The following SMAP1 variants were observed in gnomAD, a reference collection of about 807,000 sequenced individuals.
SMAP1 encodes the protein stromal membrane-associated protein 1.
SMAP1 carries 24 observed loss-of-function variants against 58.5 expected under a neutral mutation model. The ratio of observed to expected loss-of-function variants is 0.41; its 90% CI spans 0.30 to 0.58. The LOEUF (loss-of-function observed/expected upper bound fraction) is 0.58. Among genes scored for constraint, SMAP1 ranks in the 20% least tolerant of loss-of-function variants. The pLI is 0.29. For missense variants in SMAP1, 563 were observed against 566.3 expected, an observed-to-expected ratio of 0.99 and a Z score of 0.06; for synonymous variants, 216 against 196.6, an observed-to-expected ratio of 1.10 and a Z score of -0.82.
At chr6:70,773,565 A>G (rs1427274828) in intron 4 of SMAP1, 140 bp downstream of exon 4, 3 of 528,174 alleles carry the variant, frequency 5.7e-6, no homozygotes, top group Non-Finnish European at 9.7e-6. Flanking sequence ...TTTTTTGGTT[A>G]TATAATGTTG....
chr6:70,834,314 C>T lies in SMAP1; in HGVS notation c.577-2627C>T, dbSNP rs148856341. Among the ~76,000 whole-genome samples the T allele has an allele frequency of 8.0e-3, 1,197 of 149,102 alleles. 16 individuals carry two copies. The highest frequency in any genetic ancestry group is 0.026 in the African/African-American group (1,047 of 40,460). The stretch of plus-strand genomic sequence containing the variant: ...AGAAAATAAATAGGAAGGAATTCCT[C>T]ACAAGTTTAGTTTGTTTTATGCTTT... On this transcript the variant is annotated intron_variant, in intron 6 of 10. Transcript: ENST00000370455.
chr6:70,842,501 CAAG>C, intron 7 of SMAP1, among the ~76,000 whole-genome samples: 1 of 152,170 alleles, frequency 6.6e-6, no homozygotes, highest in South Asian at 2.1e-4. Flanking sequence ...TAGAAGAGAG[CAAG>C]AAGGGACAGC....
intron 5 of SMAP1, among the ~76,000 whole-genome samples, chr6:70,793,182 G>C (rs1286671536): frequency 2.6e-5 from 4 of 151,924 alleles, no homozygotes; most frequent in African/African-American, 7.3e-5. Context: ...CTACAGGTGC[G>C]CACCACCATG....
intron 6 of SMAP1, among the ~76,000 whole-genome samples, chr6:70,825,020 A>G (rs1315864312): frequency 3.3e-5 from 5 of 152,180 alleles, no homozygotes; most frequent in African/African-American, 4.8e-5. Flanking sequence ...TCATAGAGCT[A>G]ATATACTTAT....
At chr6:70,860,151 T>G in intron 10 of SMAP1, 49 bp from the exon 11 acceptor site, 1 of 1,527,714 alleles carries the variant, frequency 6.5e-7, no homozygotes, top group Non-Finnish European at 8.8e-7. Flanking sequence ...GAAACAAGAA[T>G]TAAAAGTGAA....
intron 4 of SMAP1, among the ~76,000 whole-genome samples, chr6:70,778,150 A>G (rs970309226): frequency 1.3e-5 from 2 of 152,194 alleles, no homozygotes; most frequent in Non-Finnish European, 2.9e-5. Flanking sequence ...CAGGCATGGA[A>G]TGTGTAAAAA....
At position 70,732,433 on chromosome 6, in the gene SMAP1, A is replaced by T. The variant is rs1217329637; in HGVS notation, c.174A>T (p.Gly58=). The T allele has an allele frequency of 1.2e-6, 2 of 1,612,952 alleles. No individual in the cohort carries two copies. The highest frequency in any genetic ancestry group is 1.7e-6 in the Non-Finnish European group (2 of 1,179,278). The change falls in exon 2 of 11, where the codon GGA becomes GGT. Residue 58 remains glycine, a synonymous_variant. Transcript: ENST00000370455. ...IGVFICIRCA[G]IHRNLGVHIS... is the part of the protein sequence containing the mutation. ...TGTTTATTTGCATCAGATGTGCTGG[A>T]ATTCATAGAAATCTTGGGGTTCATA...
intron 6 of SMAP1, among the ~76,000 whole-genome samples, chr6:70,807,850 C>T (rs1029209129): frequency 1.1e-4 from 16 of 152,044 alleles, no homozygotes; most frequent in African/African-American, 3.9e-4. Flanking sequence ...TGAAAATCCT[C>T]ATATAACTTT....
intron 1 of SMAP1, among the ~76,000 whole-genome samples, chr6:70,673,443 T>G (rs1766349394): frequency 6.6e-6 from 1 of 152,222 alleles, no homozygotes; most frequent in Non-Finnish European, 1.5e-5. Flanking sequence ...CAAGGGAGTC[T>G]TTTAGCTTTC....
In SMAP1 at chr6:70,817,330, A is replaced by G. The variant is rs538639386; in HGVS notation, c.576+18593A>G. On this transcript the variant is annotated intron_variant, in intron 6 of 10. Transcript: ENST00000370455. ...TAGAAGGAAAAGCAATCCTTTTTTC[A>G]TAGTTGATTTAAAAACATCTAAGGA... Among the ~76,000 whole-genome samples, 37 of 152,104 alleles carry G rather than the reference A, an allele frequency of 2.4e-4. No individual in the cohort carries two copies. The South Asian group carries it at 6.0e-3, about 25-fold the overall frequency.
rs1771683542 is a variant in SMAP1, at chr6:70,860,736, T to TATGA, written c.*403_*406dup. On this transcript the variant is annotated 3_prime_UTR_variant, in exon 11 of 11. Transcript: ENST00000370455. ...CCAGTAATCCTGTAGGAAGGTACTG[T>TATGA]ATGATCAAATGTTTAATCATATAAA... The TATGA allele has an allele frequency of 2.5e-6, 1 of 401,312 alleles. No individual in the cohort carries two copies. Among genetic ancestry groups the TATGA allele is most frequent in the African/African-American group, 2.1e-5 (1 of 48,646 alleles). The allele number at this position is 401,312 out of a possible 1,614,324, so 24.9% of individuals were successfully genotyped here. A position where few individuals can be genotyped will look rare whatever the true frequency, so the allele number is the denominator to read the frequency against.
chr6:70,707,967 G>A (rs960243327), intron 1 of SMAP1, among the ~76,000 whole-genome samples: 3 of 152,180 alleles, frequency 2.0e-5, no homozygotes, highest in African/African-American at 7.2e-5. Context: ...CATGGTAGGA[G>A]TACCTAAAAC....
At position 70,743,974 on chromosome 6, in the gene SMAP1, C is replaced by T. The variant is rs115675389; in HGVS notation, c.253-11006C>T. Among the ~76,000 whole-genome samples, 457 of 152,106 alleles carry T rather than the reference C, an allele frequency of 3.0e-3. 3 individuals carry two copies. The highest frequency in any genetic ancestry group is 0.01 in the African/African-American group (426 of 41,502). ...TAATTTGAATGTGCAAGATTATGCC[C>T]TATATTTTCTTTTTCCTCTTGATTT... On this transcript the variant is annotated intron_variant, in intron 2 of 10. Transcript: ENST00000370455.
chr6:70,849,824 A>G (rs984789954), intron 7 of SMAP1, among the ~76,000 whole-genome samples: 1 of 152,176 alleles, frequency 6.6e-6, no homozygotes, highest in African/African-American at 2.4e-5. Flanking sequence ...ACCACCATCT[A>G]TGGTGGGTAC....
chr6:70,757,854 A>G (rs1562137986), intron 3 of SMAP1, among the ~76,000 whole-genome samples: 1 of 152,110 alleles, frequency 6.6e-6, no homozygotes, highest in Non-Finnish European at 1.5e-5. Context: ...GGCAATCATT[A>G]AAAAGTCAGG....
chr6:70,668,283 G>T, intron 1 of SMAP1, 142 bp downstream of exon 1: 1 of 837,006 alleles, frequency 1.2e-6, no homozygotes, highest in South Asian at 2.1e-5. Flanking sequence ...GTGGCTGAGC[G>T]GGCGGGCGCG....
intron 6 of SMAP1, among the ~76,000 whole-genome samples, chr6:70,803,332 G>C (rs1469075102): frequency 6.6e-6 from 1 of 152,180 alleles, no homozygotes; most frequent in Non-Finnish European, 1.5e-5. Flanking sequence ...ATTTCTGTGG[G>C]ATCAGTGGTG....
chr6:70,684,009 G>A (rs191223688), intron 1 of SMAP1, among the ~76,000 whole-genome samples: 1 of 152,324 alleles, frequency 6.6e-6, no homozygotes, highest in East Asian at 1.9e-4. Flanking sequence ...CTTGTGCACA[G>A]TGAGAAGGGA....
At chr6:70,702,834 G>A (rs964634201) in intron 1 of SMAP1, among the ~76,000 whole-genome samples, 4 of 152,030 alleles carry the variant, frequency 2.6e-5, no homozygotes, top group Non-Finnish European at 4.4e-5. Context: ...TCTTGGCCCT[G>A]TTGCCCAGGC....
Sources: gnomAD v4.1 joint callset for allele counts (sites outside exome capture counted in the v4.1 genomes callset) on GRCh38, gnomAD v4.1.1 for gene constraint, MANE v1.5 for transcripts, NCBI Gene and HGNC (gene_info 2026-07-23, HGNC 2026-07-21) for gene names.